Variants in NPEPPS observed in about 807,000 individuals in gnomAD.
The protein encoded by NPEPPS is puromycin-sensitive aminopeptidase.
Under a neutral mutation model 115.5 loss-of-function variants are expected in NPEPPS, and 14 were observed. The ratio of observed to expected loss-of-function variants is 0.12; its 90% CI spans 0.08 to 0.19. The LOEUF (loss-of-function observed/expected upper bound fraction) is 0.19. Among genes scored for constraint, NPEPPS ranks in the 10% least tolerant of loss-of-function variants. The probability of loss-of-function intolerance (pLI) is 1.00; values close to 1 mark genes in which losing one functional copy is unlikely to be tolerated. For missense variants in NPEPPS, 523 were observed against 1,110.8 expected (o/e 0.47, Z 7.52); for synonymous variants, 285 against 390.6 (o/e 0.73, Z 3.19).
Position 47,599,668 on chromosome 17 carries a change from T to A in NPEPPS, c.1537-8T>A. On this transcript the variant is annotated splice_polypyrimidine_tract_variant and splice_region_variant and intron_variant, in intron 13 of 22. Transcript: ENST00000322157. The stretch of plus-strand genomic sequence containing the variant: ...AGTACTATTATAGCCTTTGTTTTGC[T>A]TCTTTAGGTAGAAGATGACAGATTA... The A allele has an allele frequency of 6.4e-7, 1 of 1,557,010 alleles. No individual in the cohort carries two copies. Among genetic ancestry groups the A allele is most frequent in the South Asian group, 1.2e-5 (1 of 84,432 alleles).
chr17:47,538,202 C>CT (rs543559258), intron 1 of NPEPPS, among the ~76,000 whole-genome samples: 1,306 of 58,470 alleles, frequency 0.022, 118 homozygotes, highest in East Asian at 0.08. Context: ...CATATCTGTT[C>CT]TTTTTTTTTT....
chr17:47,611,419 A>G (rs1286649385), intron 17 of NPEPPS, among the ~76,000 whole-genome samples: 1 of 149,496 alleles, frequency 6.7e-6, no homozygotes, highest in Admixed American at 6.8e-5. Flanking sequence ...AGATCATGCC[A>G]CTGTACTCCA....
chr17:47,575,384 C>G (rs1257519666), intron 3 of NPEPPS, among the ~76,000 whole-genome samples: 1 of 151,824 alleles, frequency 6.6e-6, no homozygotes, highest in African/African-American at 2.4e-5. Flanking sequence ...TTGATAAGGT[C>G]TGTTTACAGC....
chr17:47,590,708 T>C lies in NPEPPS; in HGVS notation c.1096-9T>C, dbSNP rs1912449096. On this transcript the variant is annotated splice_polypyrimidine_tract_variant and intron_variant, in intron 9 of 22. Transcript: ENST00000322157. ...ATTTTCTTTAAGTATTTTCATCTTT[T>C]GTTTTTAGGAATGGTGGACTCATCT... 6.2e-7 allele frequency: 1 copy of C among 1,609,602 alleles called. No homozygotes were observed. Among genetic ancestry groups the C allele is most frequent in the East Asian group, 2.2e-5 (1 of 44,816 alleles).
chr17:47,594,813 T>G (rs1341918652), intron 12 of NPEPPS, among the ~76,000 whole-genome samples: 6 of 152,026 alleles, frequency 3.9e-5, no homozygotes, highest in Non-Finnish European at 1.5e-5. Context: ...TTTGTATTTT[T>G]AGTAGAGACA....
At chr17:47,616,749 C>T (rs376449738) in intron 19 of NPEPPS, among the ~76,000 whole-genome samples, 37 of 144,436 alleles carry the variant, frequency 2.6e-4, no homozygotes, top group African/African-American at 9.5e-4. Context: ...AACACCATTG[C>T]ACTCCAGCAT....
intron 3 of NPEPPS, among the ~76,000 whole-genome samples, chr17:47,572,488 A>C (rs556334567): frequency 4.3e-4 from 66 of 151,880 alleles, no homozygotes; most frequent in East Asian, 1.4e-3. Flanking sequence ...TAAAAAAAAA[A>C]CAAACAAACC....
At chr17:47,548,640 G>A (rs1328042985) in intron 2 of NPEPPS, among the ~76,000 whole-genome samples, 1 of 132,416 alleles carries the variant, frequency 7.6e-6, no homozygotes, top group African/African-American at 2.9e-5. Context: ...GTCGCCAAAC[G>A]ATCTCGGCTT....
At chr17:47,574,934 A>G (rs1911422936) in intron 3 of NPEPPS, among the ~76,000 whole-genome samples, 1 of 152,188 alleles carries the variant, frequency 6.6e-6, no homozygotes, top group Admixed American at 6.5e-5. Flanking sequence ...TTTTGTAGAT[A>G]AACTAAGGCA....
intron 3 of NPEPPS, among the ~76,000 whole-genome samples, chr17:47,572,752 A>G (rs1469720726): frequency 6.6e-6 from 1 of 152,170 alleles, no homozygotes; most frequent in African/African-American, 2.4e-5. Context: ...GTGAAACAGA[A>G]AGCAGAGAAA....
intron 2 of NPEPPS, among the ~76,000 whole-genome samples, chr17:47,564,568 A>G (rs1316526137): frequency 6.6e-6 from 1 of 151,388 alleles, no homozygotes; most frequent in African/African-American, 2.4e-5. Flanking sequence ...ATTTACATAT[A>G]TATACATTTC....
At chr17:47,564,775 C>G (rs1419946811) in intron 2 of NPEPPS, among the ~76,000 whole-genome samples, 1 of 151,680 alleles carries the variant, frequency 6.6e-6, no homozygotes, top group Admixed American at 6.6e-5. Flanking sequence ...GGGTTTCTAC[C>G]CTTTGAACAA....
chr17:47,605,554 T>TAATG lies in NPEPPS; in HGVS notation c.2095+3_2095+6dup. ...GCTGGGACCCCAAACCTGGAGAAGGTAATGGATATACTAAATGGAGAAAGA... is the reference window on the plus strand; with the variant it reads ...GCTGGGACCCCAAACCTGGAGAAGGTAATGAATGGATATACTAAATGGAGAAAGA... On this transcript the variant is annotated splice_region_variant and intron_variant, in intron 17 of 22. Coordinates refer to ENST00000322157, the MANE Select transcript of NPEPPS (RefSeq NM_006310.4). The TAATG allele has an allele frequency of 6.5e-7, 1 of 1,545,310 alleles. No individual in the cohort carries two copies. The highest frequency in any genetic ancestry group is 8.8e-7 in the Non-Finnish European group (1 of 1,129,964).
chr17:47,611,236 G>C (rs1054895788), intron 17 of NPEPPS, among the ~76,000 whole-genome samples: 1 of 151,540 alleles, frequency 6.6e-6, no homozygotes, highest in Admixed American at 6.6e-5. Flanking sequence ...GAGGCAGGTG[G>C]ATCACCTGAG....
intron 13 of NPEPPS, among the ~76,000 whole-genome samples, chr17:47,599,391 A>T (rs1200951338): frequency 1.3e-5 from 2 of 152,200 alleles, no homozygotes; most frequent in Admixed American, 6.5e-5. Context: ...TGTTATTTGA[A>T]ATCCAGGATG....
chr17:47,616,750 A>T (rs1025837364), intron 19 of NPEPPS, among the ~76,000 whole-genome samples: 2 of 145,692 alleles, frequency 1.4e-5, no homozygotes, highest in African/African-American at 5.1e-5. Context: ...ACACCATTGC[A>T]CTCCAGCATG....
chr17:47,576,555 T>A (rs8081717), intron 3 of NPEPPS, among the ~76,000 whole-genome samples: 77,353 of 151,996 alleles, frequency 0.51, 20,222 homozygotes, highest in East Asian at 0.66. Flanking sequence ...GTATAAATTA[T>A]TCTCTTTATT....
At chr17:47,593,175 G>T (rs1455497384) in intron 12 of NPEPPS, among the ~76,000 whole-genome samples, 1 of 152,200 alleles carries the variant, frequency 6.6e-6, no homozygotes, top group Non-Finnish European at 1.5e-5. Flanking sequence ...TACTCAACCT[G>T]CAGTAAGTCA....
At chr17:47,526,041 T>A (rs1471433457) in intron 1 of NPEPPS, among the ~76,000 whole-genome samples, 1 of 152,010 alleles carries the variant, frequency 6.6e-6, no homozygotes, top group African/African-American at 2.4e-5. Flanking sequence ...AGAAACCCCA[T>A]CTCTACTAAA....
Sources: gnomAD v4.1 joint callset for allele counts (sites outside exome capture counted in the v4.1 genomes callset) on GRCh38, gnomAD v4.1.1 for gene constraint, MANE v1.5 for transcripts, NCBI Gene and HGNC (gene_info 2026-07-23, HGNC 2026-07-21) for gene names.